FAM13C: variants seen among roughly 807,000 people sequenced by gnomAD.
FAM13C encodes the protein protein FAM13C.
A neutral mutation model predicts 73.2 loss-of-function variants in FAM13C; 37 were observed. The observed-to-expected ratio is 0.51, with a 90% confidence interval of 0.39 to 0.67. The LOEUF is 0.67. Among genes scored for constraint, FAM13C ranks in the 30% least tolerant of loss-of-function variants. The pLI is 0.00. For missense variants in FAM13C, 589 were observed against 715.6 expected, an observed-to-expected ratio of 0.82 and a Z score of 2.02; for synonymous variants, 246 against 260.9, an observed-to-expected ratio of 0.94 and a Z score of 0.55.
chr10:59,247,379 C>T lies in FAM13C; in HGVS notation c.*235G>A. 2.0e-6 allele frequency: 1 copy of T among 498,328 alleles called. No homozygotes were observed. Among genetic ancestry groups the T allele is most frequent in the Non-Finnish European group, 3.5e-6 (1 of 283,542 alleles). 30.9% of individuals were successfully genotyped at this position (498,328 alleles called of 1,614,324 possible). A position where few individuals can be genotyped will look rare whatever the true frequency, so the allele number is the denominator to read the frequency against. ...TATTGACTATGAGTTTTCTGCTTGGCATGGAGGACACTGAATTTTTTCCCA... is the reference window on the plus strand; with the variant it reads ...TATTGACTATGAGTTTTCTGCTTGGTATGGAGGACACTGAATTTTTTCCCA... On this transcript the variant is annotated 3_prime_UTR_variant, in exon 14 of 14. Transcript: ENST00000618804.
chr10:59,270,311 C>T, intron 6 of FAM13C: 1 of 582,938 alleles, frequency 1.7e-6, no homozygotes, highest in Non-Finnish European at 3.0e-6. Flanking sequence ...AAGCTGTTAA[C>T]AAAACAAAGG....
At chr10:59,321,269 G>A (rs747704214) in intron 4 of FAM13C, among the ~76,000 whole-genome samples, 1 of 152,032 alleles carries the variant, frequency 6.6e-6, no homozygotes, top group Non-Finnish European at 1.5e-5. Context: ...AGGGAGATGT[G>A]ACTACGGAAG....
intron 6 of FAM13C, among the ~76,000 whole-genome samples, chr10:59,270,892 G>A (rs2133566997): frequency 6.6e-6 from 1 of 152,188 alleles, no homozygotes; most frequent in East Asian, 1.9e-4. Flanking sequence ...CCTCTCCCCG[G>A]CTAGCCATCT....
In FAM13C at chr10:59,247,494, T is replaced by G; in HGVS notation, c.*120A>C. The G allele has an allele frequency of 8.1e-7, 1 of 1,234,038 alleles. No homozygotes were observed. The highest frequency in any genetic ancestry group is 1.2e-6 in the Non-Finnish European group (1 of 860,750). The allele number at this position is 1,234,038 out of a possible 1,614,324, so 76.4% of individuals were successfully genotyped here. On this transcript the variant is annotated 3_prime_UTR_variant, in exon 14 of 14. Coordinates refer to ENST00000618804, the MANE Select transcript of FAM13C (RefSeq NM_198215.4). ...CTTGCTATTCCTTCTTAAAAACAGC[T>G]AATACTACCACTAAAGTGCTTCCAT...
intron 3 of FAM13C, among the ~76,000 whole-genome samples, chr10:59,338,883 G>C (rs1301013601): frequency 1.3e-5 from 2 of 152,146 alleles, no homozygotes; most frequent in African/African-American, 4.8e-5. Context: ...TAGTTTCCTA[G>C]GGTTACAGTG....
intron 1 of FAM13C, chr10:59,361,017 G>C: frequency 7.8e-7 from 1 of 1,289,038 alleles, no homozygotes. Context: ...AAAGGGAGGA[G>C]AGCAGTACCT....
At chr10:59,267,871 T>C (rs574394827) in intron 8 of FAM13C, among the ~76,000 whole-genome samples, 1 of 152,310 alleles carries the variant, frequency 6.6e-6, no homozygotes, top group East Asian at 1.9e-4. Flanking sequence ...GCTTTTTCTG[T>C]ATGCCATGGT....
intron 3 of FAM13C, among the ~76,000 whole-genome samples, chr10:59,350,237 C>T (rs1409545063): frequency 6.6e-6 from 1 of 152,166 alleles, no homozygotes; most frequent in Non-Finnish European, 1.5e-5. Context: ...ACTATACAAG[C>T]ACATTTCTCC....
At chr10:59,296,133 C>T (rs1846890232) in intron 5 of FAM13C, among the ~76,000 whole-genome samples, 1 of 152,176 alleles carries the variant, frequency 6.6e-6, no homozygotes, top group Non-Finnish European at 1.5e-5. Flanking sequence ...TCTTCCTAGA[C>T]CATTTTCACA....
At chr10:59,353,872 A>G (rs572332371) in intron 2 of FAM13C, among the ~76,000 whole-genome samples, 2 of 152,352 alleles carry the variant, frequency 1.3e-5, no homozygotes, top group African/African-American at 4.8e-5. Context: ...AAACAAATCA[A>G]TGCCAATGAC....
rs1368136583 is a variant in FAM13C, at chr10:59,246,523, G to A, written c.*1091C>T. On this transcript the variant is annotated 3_prime_UTR_variant, in exon 14 of 14. Coordinates refer to ENST00000618804, the MANE Select transcript of FAM13C (RefSeq NM_198215.4). ...ATACAAACAAGGTTGGTACATGAGA[G>A]AAAATGTTGACCTTTTACTTCCTTT... The A allele has an allele frequency of 2.5e-6, 1 of 392,202 alleles. No homozygotes were observed. The highest frequency in any genetic ancestry group is 4.5e-6 in the Non-Finnish European group (1 of 221,978). 24.3% of individuals were successfully genotyped at this position (392,202 alleles called of 1,614,324 possible).
intron 3 of FAM13C, among the ~76,000 whole-genome samples, chr10:59,336,370 G>A (rs1852727354): frequency 6.6e-6 from 1 of 152,286 alleles, no homozygotes; most frequent in South Asian, 2.1e-4. Context: ...TGAATCTTAG[G>A]ATGGATGAAA....
chr10:59,267,366 C>T (rs1017249193), intron 8 of FAM13C, among the ~76,000 whole-genome samples: 1 of 152,216 alleles, frequency 6.6e-6, no homozygotes, highest in African/African-American at 2.4e-5. Flanking sequence ...TGATAGAACA[C>T]AACTATCTTA....
In FAM13C at chr10:59,246,830, A is replaced by G; in HGVS notation, c.*784T>C. ...AAACCAAAAGATTAGCAATAATACTATGGACACATTAGATTATATACTACA... is the reference window on the plus strand; with the variant it reads ...AAACCAAAAGATTAGCAATAATACTGTGGACACATTAGATTATATACTACA... On this transcript the variant is annotated 3_prime_UTR_variant, in exon 14 of 14. Transcript: ENST00000618804. 3 of 386,528 alleles carry G rather than the reference A, an allele frequency of 7.8e-6. No individual in the cohort carries two copies. Among genetic ancestry groups the G allele is most frequent in the East Asian group, 7.4e-5 (2 of 27,170 alleles). 23.9% of individuals were successfully genotyped at this position (386,528 alleles called of 1,614,324 possible). A position where few individuals can be genotyped will look rare whatever the true frequency, so the allele number is the denominator to read the frequency against.
At chr10:59,353,228 A>G (rs572295094) in intron 2 of FAM13C, among the ~76,000 whole-genome samples, 1 of 151,868 alleles carries the variant, frequency 6.6e-6, no homozygotes, top group South Asian at 2.1e-4. Flanking sequence ...CAATATCCCT[A>G]CCCCCCTCCA....
intron 3 of FAM13C, among the ~76,000 whole-genome samples, chr10:59,332,766 G>C (rs1375512317): frequency 6.6e-6 from 1 of 152,152 alleles, no homozygotes; most frequent in Non-Finnish European, 1.5e-5. Flanking sequence ...CTATGAATAT[G>C]GCACCACAAG....
chr10:59,273,781 G>A (rs988053968), intron 6 of FAM13C, among the ~76,000 whole-genome samples: 1 of 152,122 alleles, frequency 6.6e-6, no homozygotes, highest in African/African-American at 2.4e-5. Context: ...ATCAGTGTGT[G>A]AAGGCCAAGA....
intron 4 of FAM13C, among the ~76,000 whole-genome samples, chr10:59,319,577 G>T (rs1849954326): frequency 6.6e-6 from 1 of 152,108 alleles, no homozygotes; most frequent in Non-Finnish European, 1.5e-5. Context: ...ATATCTGAGG[G>T]TTTACAGGAT....
chr10:59,355,910 G>T lies in FAM13C; in HGVS notation c.96C>A (p.Asp32Glu), dbSNP rs754916688. Residue 32 changes from aspartate to glutamate, a missense_variant, in exon 2 of 14, where the codon GAC (aspartate) becomes GAA (glutamate). Physicochemically the swap from Asp to Glu is conservative, Grantham distance 45. Coordinates refer to ENST00000618804, the MANE Select transcript of FAM13C (RefSeq NM_198215.4). ...ACCTGAGACTGGAGCAATCAGTCTG[G>T]TCTTCATGTAGAGAGACTGGATCTT... ...CDEDPVSLHE[D>E]QTDCSSLRDE... 2 of 1,614,016 alleles carry T rather than the reference G, an allele frequency of 1.2e-6. No homozygotes were observed. The highest frequency in any genetic ancestry group is 2.2e-5 in the South Asian group (2 of 91,072).
Sources: gnomAD v4.1 joint callset for allele counts (sites outside exome capture counted in the v4.1 genomes callset) on GRCh38, gnomAD v4.1.1 for gene constraint, MANE v1.5 for transcripts, NCBI Gene and HGNC (gene_info 2026-07-23, HGNC 2026-07-21) for gene names.